The following CTPS1 variants were observed in gnomAD, a reference collection of about 807,000 sequenced individuals.
The protein encoded by CTPS1 is CTP synthase 1.
Under a neutral mutation model 80.5 loss-of-function variants are expected in CTPS1, and 25 were observed. The observed-to-expected ratio is 0.31, with a 90% CI of 0.23 to 0.43. The LOEUF is 0.43. Among genes scored for constraint, CTPS1 ranks in the 20% least tolerant of loss-of-function variants. The pLI is 1.00. For missense variants in CTPS1, 442 were observed against 725.7 expected (o/e 0.61, Z 4.49); for synonymous variants, 267 against 252.5 (o/e 1.06, Z -0.54).
At chr1:40,994,648 C>T (rs1184515288) in intron 7 of CTPS1, among the ~76,000 whole-genome samples, 2 of 151,960 alleles carry the variant, frequency 1.3e-5, no homozygotes, top group Non-Finnish European at 2.9e-5. Flanking sequence ...CAGTGGCAAC[C>T]GCTTCTTGTT....
chr1:41,011,184 G>T (rs1230161401), intron 18 of CTPS1, among the ~76,000 whole-genome samples: 1 of 152,230 alleles, frequency 6.6e-6, no homozygotes, highest in African/African-American at 2.4e-5. Flanking sequence ...TAAGTAGGTG[G>T]TGGGTAGGCA....
intron 11 of CTPS1, 121 bp downstream of exon 11, chr1:41,002,375 G>A (rs1241191555): frequency 3.9e-6 from 3 of 777,466 alleles, no homozygotes; most frequent in East Asian, 2.6e-5. Context: ...GTGGATAGGA[G>A]CTCAAGTAGA....
At chr1:40,997,668 G>A in intron 9 of CTPS1, 142 bp downstream of exon 9, 4 of 1,106,738 alleles carry the variant, frequency 3.6e-6, no homozygotes, top group South Asian at 1.8e-5. Context: ...AAAAAGATTT[G>A]TGGTTGCTTC....
At chr1:40,995,858 G>C in intron 7 of CTPS1, 59 bp from the exon 8 acceptor site, 1 of 1,537,530 alleles carries the variant, frequency 6.5e-7, no homozygotes, top group Non-Finnish European at 8.9e-7. Context: ...TAGCTAGTAG[G>C]AGGCTGTAAG....
At chr1:41,008,739 T>G in intron 15 of CTPS1, 25 bp downstream of exon 15, 2 of 1,613,942 alleles carry the variant, frequency 1.2e-6, no homozygotes, top group Non-Finnish European at 1.7e-6. Context: ...TTGCTGGTAC[T>G]CTGGAAAGAT....
intron 4 of CTPS1, chr1:40,988,388 G>A: frequency 2.1e-6 from 1 of 466,112 alleles, no homozygotes; most frequent in Non-Finnish European, 3.8e-6. Flanking sequence ...TAACCTTTGG[G>A]AAGGATGAGC....
chr1:40,996,677 T>C (rs1642760722), intron 8 of CTPS1, among the ~76,000 whole-genome samples: 1 of 152,268 alleles, frequency 6.6e-6, no homozygotes, highest in African/African-American at 2.4e-5. Context: ...TCCGTTGCTC[T>C]GTGAGAATCA....
At chr1:40,995,763 C>T (rs564093160) in intron 7 of CTPS1, among the ~76,000 whole-genome samples, 154 bp from the exon 8 acceptor site, 1 of 152,264 alleles carries the variant, frequency 6.6e-6, no homozygotes, top group Admixed American at 6.5e-5. Context: ...ATTTTCTATT[C>T]TATTCTTGAG....
Position 41,009,334 on chromosome 1 carries a change from T to G in CTPS1, c.1547-111T>G, listed in dbSNP as rs1262148817. 4 of 1,136,356 alleles carry G rather than the reference T, an allele frequency of 3.5e-6. No homozygotes were observed. In the Admixed American group the frequency reaches 8.5e-5, roughly 24 times the overall value. 70.4% of individuals were successfully genotyped at this position (1,136,356 alleles called of 1,614,324 possible). ...ATCTAGATTCAAATGAGAAAGTCAT[T>G]TTCAAATTATTTTAGGGCCTATGGA... On this transcript the variant is annotated intron_variant, in intron 16 of 18. Transcript: ENST00000650070.
intron 5 of CTPS1, among the ~76,000 whole-genome samples, chr1:40,989,532 G>GCCAGATT: frequency 6.6e-6 from 1 of 152,218 alleles, no homozygotes; most frequent in South Asian, 2.1e-4. Flanking sequence ...AAATAAGCCA[G>GCCAGATT]CCAGATTTTC....
chr1:40,992,754 G>A (rs1440629355), intron 7 of CTPS1, among the ~76,000 whole-genome samples: 2 of 147,378 alleles, frequency 1.4e-5, no homozygotes, highest in Non-Finnish European at 3.0e-5. Context: ...GCAGTGGCGC[G>A]ATCTTTTTGG....
intron 8 of CTPS1, chr1:40,997,014 A>G (rs548945443): frequency 6.4e-6 from 1 of 155,650 alleles, no homozygotes; most frequent in Admixed American, 6.5e-5. Context: ...CAAAAAAAAA[A>G]TTTTTCTTTA....
At chr1:41,005,183 G>A (rs61780434) in intron 12 of CTPS1, among the ~76,000 whole-genome samples, 22,515 of 151,764 alleles carry the variant, frequency 0.15, 2,128 homozygotes, top group Non-Finnish European at 0.21. Context: ...AGTGGCTCAC[G>A]CCTGTAATCC....
chr1:41,007,649 T>G lies in CTPS1; in HGVS notation c.1393+104T>G, dbSNP rs1643067902. On this transcript the variant is annotated intron_variant, in intron 14 of 18. Coordinates refer to ENST00000650070, the MANE Select transcript of CTPS1 (RefSeq NM_001905.4). This position sits in a 1 kb window ranked among gnomAD's most constrained non-coding sequence, Gnocchi z 4.4. ...GAGGAGCAGGCTGGCTTTTTTTGGTTTCGTTCTTGCTTTTGAAGTTCATTC... is the reference window on the plus strand; with the variant it reads ...GAGGAGCAGGCTGGCTTTTTTTGGTGTCGTTCTTGCTTTTGAAGTTCATTC... 1 of 882,468 alleles carries G rather than the reference T, an allele frequency of 1.1e-6. No homozygotes were observed. Among genetic ancestry groups the G allele is most frequent in the African/African-American group, 1.7e-5 (1 of 60,094 alleles). 54.7% of individuals were successfully genotyped at this position (882,468 alleles called of 1,614,324 possible). A position where few individuals can be genotyped will look rare whatever the true frequency, so the allele number is the denominator to read the frequency against.
At chr1:41,009,646 C>A in intron 17 of CTPS1, 57 bp downstream of exon 17, 2 of 1,593,530 alleles carry the variant, frequency 1.3e-6, no homozygotes, top group South Asian at 2.2e-5. Context: ...TTTAGGTGGT[C>A]GCTGATTCAT....
chr1:40,981,958 A>G, intron 1 of CTPS1: 1 of 1,286,274 alleles, frequency 7.8e-7, no homozygotes, highest in Non-Finnish European at 1.0e-6. Context: ...TTCACATGGA[A>G]CGTTCCTGAG....
chr1:41,001,384 T>C (rs1021260136), intron 10 of CTPS1, among the ~76,000 whole-genome samples: 1 of 152,244 alleles, frequency 6.6e-6, no homozygotes, highest in Non-Finnish European at 1.5e-5. Context: ...TCCAGAACAT[T>C]TGATGAGTAC....
chr1:41,008,546 CA>C (rs1643091559), intron 14 of CTPS1, 112 bp from the exon 15 acceptor site: 10 of 1,145,040 alleles, frequency 8.7e-6, no homozygotes, highest in Non-Finnish European at 9.2e-6. Context: ...AAATAGCCCT[CA>C]AAAGACCTGG....
At chr1:41,005,253 T>C (rs1643003310) in intron 12 of CTPS1, among the ~76,000 whole-genome samples, 1 of 152,142 alleles carries the variant, frequency 6.6e-6, no homozygotes, top group Non-Finnish European at 1.5e-5. Context: ...GAGACCAGCC[T>C]GACCAACATG....
Sources: gnomAD v4.1 joint callset for allele counts (sites outside exome capture counted in the v4.1 genomes callset) on GRCh38, gnomAD v4.1.1 for gene constraint, Gnocchi (gnomAD v3.1) non-coding constraint, MANE v1.5 for transcripts, NCBI Gene and HGNC (gene_info 2026-07-23, HGNC 2026-07-21) for gene names.